Variants in DNAJB4 observed in about 807,000 individuals in gnomAD.
The protein encoded by DNAJB4 is DnaJ heat shock protein family (Hsp40) member B4.
DNAJB4 carries 10 observed loss-of-function variants against 26.6 expected under a neutral mutation model. The observed-to-expected ratio is 0.38, with a 90% CI of 0.23 to 0.64. The LOEUF is 0.64. Among genes scored for constraint, DNAJB4 ranks in the 30% least tolerant of loss-of-function variants. The pLI is 0.58. For synonymous variants in DNAJB4, 136 were observed against 134.8 expected (o/e 1.01, Z -0.06); for missense variants, 328 against 408.2 (o/e 0.80, Z 1.69).
upstream of DNAJB4, chr1:78,004,565 T>A (rs1660278042): frequency 6.6e-6 from 1 of 152,298 alleles, no homozygotes. Context: ...AAAGTAGAAT[T>A]GTCGTTCCTT....
intron 1 of DNAJB4, among the ~76,000 whole-genome samples, chr1:77,991,358 A>G (rs1193910525): frequency 6.6e-6 from 1 of 152,156 alleles, no homozygotes; most frequent in East Asian, 1.9e-4. Flanking sequence ...GAATTTGCCT[A>G]CTCACCGAAA....
chr1:78,011,209 T>G (rs1190210484), intron 1 of DNAJB4, among the ~76,000 whole-genome samples: 1 of 152,156 alleles, frequency 6.6e-6, no homozygotes, highest in Non-Finnish European at 1.5e-5. Flanking sequence ...GTGGAACCCT[T>G]AAGCAAAGGG....
rs1226385121 is a variant in DNAJB4 at position 78,013,064 on chromosome 1, A to G, written c.225A>G (p.Gly75=). ...DQFGEEGLKG[G]AGGTDGQGGT... Reference sequence around the variant, plus strand: ...CTCTTCAATTAGGGTTGAAAGGAGGAGCAGGAGGTACTGATGGACAAGGAG... The same window carrying G: ...CTCTTCAATTAGGGTTGAAAGGAGGGGCAGGAGGTACTGATGGACAAGGAG... Residue 75 remains glycine (G), a synonymous_variant, in exon 2 of 3, where the codon GGA becomes GGG. Coordinates refer to ENST00000370763, the MANE Select transcript of DNAJB4 (RefSeq NM_007034.5). The G allele has an allele frequency of 6.2e-7, 1 of 1,606,880 alleles. No homozygotes were observed. Among genetic ancestry groups the G allele is most frequent in the South Asian group, 1.1e-5 (1 of 90,002 alleles).
rs756745540 is a variant in DNAJB4, at chr1:78,013,081, G to A, written c.242G>A (p.Gly81Glu). Reference protein sequence around the residue: ...GLKGGAGGTDGQGGTFRYTFH... With the variant: ...GLKGGAGGTDEQGGTFRYTFH... ...AAAGGAGGAGCAGGAGGTACTGATG[G>A]ACAAGGAGGTACCTTCCGGTACACC... is the stretch of plus-strand genomic sequence containing the variant. The change falls in exon 2 of 3, where the codon GGA becomes GAA. Residue 81 changes from glycine (G) to glutamate (E), a missense_variant. Physicochemically the swap from Gly to Glu is moderately conservative, Grantham distance 98. Coordinates refer to ENST00000370763, the MANE Select transcript of DNAJB4 (RefSeq NM_007034.5). The A allele has an allele frequency of 1.1e-5, 18 of 1,612,360 alleles. No individual in the cohort carries two copies. In the South Asian group the frequency reaches 1.8e-4, roughly 16 times the overall value.
rs1660536309 is a variant in DNAJB4 at position 78,013,106 on chromosome 1, C to A, written c.267C>A (p.Thr89=). 1 of 1,613,944 alleles carries A rather than the reference C, an allele frequency of 6.2e-7. No individual in the cohort carries two copies. Among genetic ancestry groups the A allele is most frequent in the Non-Finnish European group, 8.5e-7 (1 of 1,179,886 alleles). ...GACAAGGAGGTACCTTCCGGTACAC[C>A]TTTCATGGCGATCCTCATGCTACAT... The part of the protein sequence containing the change: ...TDGQGGTFRY[T]FHGDPHATFA... Residue 89 remains threonine, a synonymous_variant, in exon 2 of 3, where the codon ACC becomes ACA. Coordinates refer to ENST00000370763, the MANE Select transcript of DNAJB4 (RefSeq NM_007034.5).
At chr1:77,983,359 G>A (rs1212943897) in intron 1 of DNAJB4, among the ~76,000 whole-genome samples, 2 of 152,038 alleles carry the variant, frequency 1.3e-5, no homozygotes, top group Non-Finnish European at 2.9e-5. Flanking sequence ...CCTTCCTCTT[G>A]TCTCAACTGC....
rs952222558 is a variant in DNAJB4, at chr1:78,017,148, CACT to C, written c.*904_*906del. The C allele has an allele frequency of 7.9e-5, 12 of 151,862 alleles. No individual in the cohort carries two copies. Among genetic ancestry groups the C allele is most frequent in the Non-Finnish European group, 1.5e-4 (10 of 67,862 alleles). The allele number at this position is 151,862 out of a possible 1,614,324, so 9.4% of individuals were successfully genotyped here. ...AATTTCCCTAAAAAGAATGAACTAC[CACT>C]ACACTATGGTGTTAAACCAAAATAT... On this transcript the variant is annotated 3_prime_UTR_variant, in exon 3 of 3. Transcript: ENST00000370763.
intron 1 of DNAJB4, among the ~76,000 whole-genome samples, chr1:78,006,735 A>G (rs1467807027): frequency 6.6e-6 from 1 of 152,168 alleles, no homozygotes; most frequent in Non-Finnish European, 1.5e-5. Context: ...CATGATACCT[A>G]TGGCCATATT....
At chr1:78,003,869 T>C (rs1264754495), upstream of DNAJB4, among the ~76,000 whole-genome samples, 1 of 152,124 alleles carries the variant, frequency 6.6e-6, no homozygotes, top group African/African-American at 2.4e-5. Flanking sequence ...GAAAACAGAA[T>C]TAGAAGTAAA....
chr1:78,017,762 A>G lies in DNAJB4; in HGVS notation c.*1515A>G, dbSNP rs900668745. 9.1e-6 allele frequency: 1 copy of G among 109,498 alleles called. No homozygotes were observed. The highest frequency in any genetic ancestry group is 1.8e-5 in the Non-Finnish European group (1 of 55,498). The allele number at this position is 109,498 out of a possible 1,614,324, so 6.8% of individuals were successfully genotyped here. A position where few individuals can be genotyped will look rare whatever the true frequency, so the allele number is the denominator to read the frequency against. The stretch of plus-strand genomic sequence containing the variant: ...TTTCACATAAATAGACTCAAACAAT[A>G]TATGGCTTTTTTTTTTTTTGGTCTG... On this transcript the variant is annotated 3_prime_UTR_variant, in exon 3 of 3. Coordinates refer to ENST00000370763, the MANE Select transcript of DNAJB4 (RefSeq NM_007034.5).
chr1:78,005,871 G>A (rs532438120), intron 1 of DNAJB4, among the ~76,000 whole-genome samples: 10 of 152,338 alleles, frequency 6.6e-5, no homozygotes, highest in African/African-American at 2.4e-4. Context: ...AGCAGAAGGC[G>A]CAGGCATTTA....
intron 1 of DNAJB4, among the ~76,000 whole-genome samples, chr1:77,998,707 GC>G (rs1359483731): frequency 6.6e-6 from 1 of 151,984 alleles, no homozygotes; most frequent in East Asian, 1.9e-4. Flanking sequence ...AGGCATGGTG[GC>G]ATGCCTGTGG....
intron 1 of DNAJB4, among the ~76,000 whole-genome samples, chr1:77,995,158 T>G (rs1374364401): frequency 6.6e-6 from 1 of 152,228 alleles, no homozygotes; most frequent in Non-Finnish European, 1.5e-5. Flanking sequence ...TGTAAAGTAT[T>G]TCATTGATAA....
intron 1 of DNAJB4, among the ~76,000 whole-genome samples, chr1:77,993,155 T>G (rs1248572223): frequency 6.6e-6 from 1 of 152,192 alleles, no homozygotes; most frequent in Non-Finnish European, 1.5e-5. Context: ...AAAGCAGAAG[T>G]TGGCAAACAT....
intron 1 of DNAJB4, among the ~76,000 whole-genome samples, chr1:78,009,875 TG>T (rs1478348436): frequency 6.6e-6 from 1 of 152,154 alleles, no homozygotes; most frequent in African/African-American, 2.4e-5. Context: ...CCACCCACCT[TG>T]GCCTCCCAAA....
At chr1:77,991,632 G>T (rs1659933372) in intron 1 of DNAJB4, among the ~76,000 whole-genome samples, 1 of 152,122 alleles carries the variant, frequency 6.6e-6, no homozygotes, top group African/African-American at 2.4e-5. Context: ...CAAGTCAGTG[G>T]TCTGCCCTCA....
intron 1 of DNAJB4, among the ~76,000 whole-genome samples, chr1:77,998,217 CAAAAT>C (rs1321188996): frequency 6.6e-6 from 1 of 152,116 alleles, no homozygotes; most frequent in Admixed American, 6.5e-5. Context: ...GTGTGTGACA[CAAAAT>C]AAACACTCCA....
chr1:78,005,687 CT>C (rs2102605903), intron 1 of DNAJB4, among the ~76,000 whole-genome samples: 1 of 152,278 alleles, frequency 6.6e-6, no homozygotes, highest in South Asian at 2.1e-4. Flanking sequence ...GTTTCGTTTT[CT>C]AATGAATTTT....
At chr1:77,981,085 T>G (rs1419872985) in intron 1 of DNAJB4, 1 of 152,132 alleles carries the variant, frequency 6.6e-6, no homozygotes, top group Admixed American at 6.6e-5. Flanking sequence ...GTGCTATAAT[T>G]TACCCTCAAA....
Sources: allele counts gnomAD v4.1 joint callset (sites outside exome capture counted in the v4.1 genomes callset), GRCh38; gene constraint gnomAD v4.1.1; transcripts MANE v1.5; gene names NCBI Gene and HGNC (gene_info 2026-07-23, HGNC 2026-07-21).